The following MYO1E variants were observed in gnomAD, a reference collection of about 807,000 sequenced individuals.
MYO1E encodes myosin IE.
MYO1E carries 68 observed loss-of-function variants against 151.1 expected under a neutral mutation model. The observed-to-expected ratio is 0.45, with a 90% CI of 0.37 to 0.55. MYO1E has a LOEUF of 0.55. Ranked by LOEUF, MYO1E falls within the 20% of genes least tolerant of loss-of-function variation. MYO1E has a pLI of 0.00. For missense variants in MYO1E, 1,363 were observed against 1,389.3 expected (o/e 0.98, Z 0.30); for synonymous variants, 601 against 501.7 (o/e 1.20, Z -2.64).
intron 1 of MYO1E, among the ~76,000 whole-genome samples, chr15:59,341,770 T>G (rs2080767162): frequency 6.6e-6 from 1 of 152,224 alleles, no homozygotes; most frequent in Admixed American, 6.5e-5. Context: ...CATCATTTGA[T>G]GGACACTTAG....
chr15:59,236,746 C>A (rs1241865562), intron 4 of MYO1E, 74 bp from the exon 5 acceptor site: 3 of 1,317,038 alleles, frequency 2.3e-6, no homozygotes, highest in Non-Finnish European at 2.2e-6. Flanking sequence ...TCCCCCATCA[C>A]ACAAAACAAA....
intron 5 of MYO1E, among the ~76,000 whole-genome samples, 156 bp downstream of exon 5, chr15:59,236,409 CACACACACACAAACACACAT>C (rs1566988395): frequency 7.6e-5 from 10 of 131,690 alleles, no homozygotes; most frequent in African/African-American, 2.8e-4. Context: ...CACACACACA[CACACACACACAAACACACAT>C]ACATATGCTA....
intron 9 of MYO1E, chr15:59,218,442 G>T (rs1426692302): frequency 2.5e-6 from 1 of 397,924 alleles, no homozygotes; most frequent in East Asian, 6.2e-5. Context: ...CGACAGCCAG[G>T]AAGGAACTCA....
At chr15:59,151,538 G>C (rs1461164741) in intron 26 of MYO1E, among the ~76,000 whole-genome samples, 1 of 152,232 alleles carries the variant, frequency 6.6e-6, no homozygotes, top group Non-Finnish European at 1.5e-5. Flanking sequence ...TGCTAGGAGA[G>C]AACATGGTAA....
chr15:59,364,684 C>T (rs1291973753), intron 1 of MYO1E, among the ~76,000 whole-genome samples: 18 of 152,078 alleles, frequency 1.2e-4, no homozygotes, highest in African/African-American at 4.1e-4. Flanking sequence ...CAAGGTGGGT[C>T]ACTTGAGGCC....
At chr15:59,351,928 A>G (rs1166071835) in intron 1 of MYO1E, among the ~76,000 whole-genome samples, 1 of 152,206 alleles carries the variant, frequency 6.6e-6, no homozygotes, top group Admixed American at 6.5e-5. Flanking sequence ...CTCTATTTTC[A>G]TGCTATTGAT....
At chr15:59,320,335 T>G (rs542534376) in intron 1 of MYO1E, among the ~76,000 whole-genome samples, 3 of 151,942 alleles carry the variant, frequency 2.0e-5, no homozygotes, top group African/African-American at 7.3e-5. Context: ...AAAATTCCTA[T>G]GAAACCAAAA....
rs1300404456 is a variant in MYO1E at position 59,171,818 on chromosome 15, C to T, written c.2480+79G>A. 5.0e-6 allele frequency: 8 copies of T among 1,591,688 alleles called. No individual in the cohort carries two copies. The African/African-American group carries it at 8.1e-5, about 16-fold the overall frequency. On this transcript the variant is annotated intron_variant, in intron 22 of 27. Coordinates refer to ENST00000288235, the MANE Select transcript of MYO1E (RefSeq NM_004998.4). The stretch of plus-strand genomic sequence containing the variant: ...CAGCTGGGAAGCCCAGCCCGGCCTT[C>T]CTCCTGGCTGTTTGGAACAGCGGAC...
intron 1 of MYO1E, among the ~76,000 whole-genome samples, chr15:59,310,803 T>C (rs1467135991): frequency 1.3e-5 from 2 of 151,318 alleles, no homozygotes; most frequent in African/African-American, 4.9e-5. Context: ...CTTCACCAAG[T>C]TGCCTTTGGT....
intron 21 of MYO1E, among the ~76,000 whole-genome samples, chr15:59,172,872 C>T (rs542437387): frequency 6.6e-6 from 1 of 152,370 alleles, no homozygotes; most frequent in Middle Eastern, 3.4e-3. Context: ...CTGTGTGCAT[C>T]CAGGGCTGCC....
At chr15:59,150,892 C>T (rs2079471499) in intron 26 of MYO1E, among the ~76,000 whole-genome samples, 1 of 152,122 alleles carries the variant, frequency 6.6e-6, no homozygotes, top group Non-Finnish European at 1.5e-5. Context: ...CTACTGCACA[C>T]TAGAGTTTGA....
chr15:59,159,939 G>A lies in MYO1E; in HGVS notation c.2785+1134C>T, dbSNP rs1566967067. 6.6e-6 allele frequency among the ~76,000 whole-genome samples: 1 copy of A among 152,128 alleles called. No homozygotes were observed. Among genetic ancestry groups the A allele is most frequent in the Non-Finnish European group, 1.5e-5 (1 of 68,030 alleles). ...AGCTCACTGCAACCTCCACCTCCTGGGTTCAAGCAATTCTCCTGCCTCAGC... is the reference window on the plus strand; with the variant it reads ...AGCTCACTGCAACCTCCACCTCCTGAGTTCAAGCAATTCTCCTGCCTCAGC... On this transcript the variant is annotated intron_variant, in intron 24 of 27. Coordinates refer to ENST00000288235, the MANE Select transcript of MYO1E (RefSeq NM_004998.4). This position sits in a 1 kb window ranked among gnomAD's most constrained non-coding sequence, Gnocchi z 4.4.
intron 1 of MYO1E, among the ~76,000 whole-genome samples, chr15:59,326,048 G>A (rs2080661900): frequency 6.6e-6 from 1 of 151,772 alleles, no homozygotes; most frequent in East Asian, 1.9e-4. Context: ...TCATGATCCT[G>A]AATTCTTTAA....
rs368888160 is a variant in MYO1E, at chr15:59,178,443, C to G, written c.1999G>C (p.Asp667His). 1 of 1,614,216 alleles carries G rather than the reference C, an allele frequency of 6.2e-7. No individual in the cohort carries two copies. Among genetic ancestry groups the G allele is most frequent in the Admixed American group, 1.7e-5 (1 of 60,026 alleles). ...HLLQSVNMDS[D>H]QFQLGRSKVF... is the part of the protein sequence containing the mutation. ...TTACTCCTCCCCAGCTGGAACTGGT[C>G]GCTGTCCATGTTGACCGACTGCAGC... is the stretch of plus-strand genomic sequence containing the variant. The change falls in exon 19 of 28, where the codon GAC becomes CAC. Residue 667 changes from aspartate to histidine, a missense_variant. Physicochemically the swap from Asp to His is moderately conservative, Grantham distance 81. Coordinates refer to ENST00000288235, the MANE Select transcript of MYO1E (RefSeq NM_004998.4).
rs149103380 is a variant in MYO1E, at chr15:59,223,869, T to C, written c.778-678A>G. On this transcript the variant is annotated intron_variant, in intron 8 of 27. Transcript: ENST00000288235. ...AGTGTGCAGACTCCTTATTGGCACT[T>C]TTCCCCGCAGCTGCTTTGAGGCCAT... is the stretch of plus-strand genomic sequence containing the variant. Among the ~76,000 whole-genome samples the C allele has an allele frequency of 2.0e-3, 310 of 152,318 alleles. 3 individuals carry two copies. Among genetic ancestry groups the C allele is most frequent in the African/African-American group, 7.0e-3 (293 of 41,564 alleles).
At chr15:59,340,158 T>C (rs1325114974) in intron 1 of MYO1E, among the ~76,000 whole-genome samples, 2 of 152,036 alleles carry the variant, frequency 1.3e-5, no homozygotes, top group African/African-American at 4.8e-5. Context: ...ATCTGACCTC[T>C]ACAAAATATT....
chr15:59,291,171 C>T (rs543225561), intron 1 of MYO1E, among the ~76,000 whole-genome samples: 2 of 152,342 alleles, frequency 1.3e-5, no homozygotes, highest in South Asian at 2.1e-4. Context: ...TTGTACGATA[C>T]TCTGTTCCCA....
chr15:59,135,975 A>C lies in MYO1E; in HGVS notation c.*1405T>G, dbSNP rs766214396. On this transcript the variant is annotated 3_prime_UTR_variant, in exon 28 of 28. Coordinates refer to ENST00000288235, the MANE Select transcript of MYO1E (RefSeq NM_004998.4). ...CAAACTACCACAAACCGAGTGGCTT[A>C]AACAGCGAAATGTATTGCCTCACAG... 2 of 152,090 alleles carry C rather than the reference A, an allele frequency of 1.3e-5. No individual in the cohort carries two copies. The highest frequency in any genetic ancestry group is 4.8e-5 in the African/African-American group (2 of 41,452). 9.4% of individuals were successfully genotyped at this position (152,090 alleles called of 1,614,324 possible).
chr15:59,352,334 C>T (rs1312150108), intron 1 of MYO1E, among the ~76,000 whole-genome samples: 2 of 152,180 alleles, frequency 1.3e-5, no homozygotes, highest in Non-Finnish European at 2.9e-5. Flanking sequence ...ATCACACTTC[C>T]TCTGGGGAAG....
Sources: allele counts gnomAD v4.1 joint callset (sites outside exome capture counted in the v4.1 genomes callset), GRCh38; gene constraint gnomAD v4.1.1; non-coding constraint Gnocchi (gnomAD v3.1); transcripts MANE v1.5; gene names NCBI Gene and HGNC (gene_info 2026-07-23, HGNC 2026-07-21).